GLIPR1L1: variants seen among roughly 807,000 people sequenced by gnomAD.
GLIPR1L1 encodes the protein GLIPR1-like protein 1.
In GLIPR1L1, 26 loss-of-function variants were observed where a neutral mutation model predicts 29.9. That is an observed-to-expected ratio of 0.87 (90% CI 0.64 to 1.21). The LOEUF (loss-of-function observed/expected upper bound fraction) is 1.21. Among genes scored for constraint, GLIPR1L1 ranks in the 50% most tolerant of loss-of-function variants. GLIPR1L1 has a pLI of 0.00. For missense variants in GLIPR1L1, 305 were observed against 290.3 expected, an observed-to-expected ratio of 1.05 and a Z score of -0.37; for synonymous variants, 77 against 97.5, an observed-to-expected ratio of 0.79 and a Z score of 1.24.
chr12:75,369,807 C>T (rs973087195), intron 4 of GLIPR1L1, 153 bp from the exon 5 acceptor site: 15 of 980,862 alleles, frequency 1.5e-5, no homozygotes, highest in Admixed American at 1.2e-4. Context: ...GTTTTAAGTA[C>T]TGTAGGATTG....
intron 3 of GLIPR1L1, among the ~76,000 whole-genome samples, chr12:75,357,138 T>A (rs1470231142): frequency 6.6e-6 from 1 of 152,200 alleles, no homozygotes; most frequent in African/African-American, 2.4e-5. Context: ...TGCAGTGAAC[T>A]ATAATTTCAC....
intron 3 of GLIPR1L1, among the ~76,000 whole-genome samples, chr12:75,351,243 C>G (rs1157911687): frequency 6.6e-6 from 1 of 152,180 alleles, no homozygotes; most frequent in Admixed American, 6.5e-5. Flanking sequence ...GGAGAAAGAA[C>G]TGAGTTGGAA....
chr12:75,368,894 G>A (rs1214958648), intron 4 of GLIPR1L1, among the ~76,000 whole-genome samples: 2 of 151,812 alleles, frequency 1.3e-5, no homozygotes, highest in Non-Finnish European at 2.9e-5. Context: ...GTTTGTGGAA[G>A]ACTTTAGCAA....
chr12:75,349,073 A>G (rs2042639054), intron 3 of GLIPR1L1, among the ~76,000 whole-genome samples: 3 of 152,180 alleles, frequency 2.0e-5, no homozygotes, highest in Non-Finnish European at 4.4e-5. Context: ...AGAACTACAC[A>G]CAGAGAGAAC....
intron 3 of GLIPR1L1, among the ~76,000 whole-genome samples, chr12:75,361,750 A>G (rs899857175): frequency 6.6e-6 from 1 of 152,168 alleles, no homozygotes; most frequent in African/African-American, 2.4e-5. Flanking sequence ...CTCACTCACT[A>G]TCATAAGAAC....
Position 75,346,074 on chromosome 12 carries a change from C to T in GLIPR1L1, c.421-1548C>T, listed in dbSNP as rs1001955135. 2.0e-5 allele frequency among the ~76,000 whole-genome samples: 3 copies of T among 152,150 alleles called. No individual in the cohort carries two copies. The East Asian group carries it at 5.8e-4, about 29-fold the overall frequency. On this transcript the variant is annotated intron_variant, in intron 2 of 5. Coordinates refer to ENST00000378695, the MANE Select transcript of GLIPR1L1 (RefSeq NM_001304964.2). ...ACATCCAATGTTCATATTAATATTACATCTAGTTTCTTTAATGAAAGCAAT... is the reference window on the plus strand; with the variant it reads ...ACATCCAATGTTCATATTAATATTATATCTAGTTTCTTTAATGAAAGCAAT...
At chr12:75,340,706 G>T (rs1344190955) in intron 1 of GLIPR1L1, among the ~76,000 whole-genome samples, 1 of 148,058 alleles carries the variant, frequency 6.8e-6, no homozygotes. Context: ...CTCCTATCTA[G>T]AGAAAGAAGT....
At chr12:75,351,825 G>A (rs2042835228) in intron 3 of GLIPR1L1, among the ~76,000 whole-genome samples, 1 of 152,124 alleles carries the variant, frequency 6.6e-6, no homozygotes, top group African/African-American at 2.4e-5. Flanking sequence ...GGGATTACAG[G>A]CATGAGCCAT....
intron 2 of GLIPR1L1, among the ~76,000 whole-genome samples, chr12:75,344,319 T>C (rs1565962682): frequency 6.6e-6 from 1 of 152,118 alleles, no homozygotes; most frequent in Non-Finnish European, 1.5e-5. Context: ...GTCTTTTTTC[T>C]TGGTTTTCTT....
intron 3 of GLIPR1L1, among the ~76,000 whole-genome samples, chr12:75,356,552 G>A (rs556513628): frequency 5.3e-5 from 8 of 151,920 alleles, no homozygotes; most frequent in South Asian, 4.2e-4. Flanking sequence ...AAGAGTAATC[G>A]CAAATAAGCC....
chr12:75,346,656 G>A (rs535712769), intron 2 of GLIPR1L1, among the ~76,000 whole-genome samples: 10 of 152,120 alleles, frequency 6.6e-5, no homozygotes, highest in African/African-American at 2.2e-4. Context: ...CCCAAATCTC[G>A]TTTTTAAGTT....
chr12:75,335,943 G>C (rs2041706667), intron 1 of GLIPR1L1, among the ~76,000 whole-genome samples: 1 of 151,740 alleles, frequency 6.6e-6, no homozygotes, highest in South Asian at 2.1e-4. Flanking sequence ...AGTAAATGTG[G>C]GGTTAAATAT....
chr12:75,370,131 C>T lies in GLIPR1L1; in HGVS notation c.684C>T (p.Ala228=). ...KPTGRAPQQT[A]FNPFSLGFLL... is the part of the protein sequence containing the mutation. Reference sequence around the variant, plus strand: ...CGGGGAGAGCACCTCAGCAGACAGCCTTTAATCCATTCAGCTTAGGTTTTC... The same window carrying T: ...CGGGGAGAGCACCTCAGCAGACAGCTTTTAATCCATTCAGCTTAGGTTTTC... The change falls in exon 6 of 6, where the codon GCC becomes GCT. Residue 228 remains alanine, a synonymous_variant. Coordinates refer to ENST00000378695, the MANE Select transcript of GLIPR1L1 (RefSeq NM_001304964.2). The T allele has an allele frequency of 1.2e-6, 2 of 1,606,680 alleles. No individual in the cohort carries two copies. Among genetic ancestry groups the T allele is most frequent in the Non-Finnish European group, 1.7e-6 (2 of 1,175,004 alleles).
chr12:75,344,226 C>T lies in GLIPR1L1; in HGVS notation c.420+288C>T, dbSNP rs554253108. On this transcript the variant is annotated intron_variant, in intron 2 of 5. Transcript: ENST00000378695. ...CTTCTTTCTCTCACTCTCTCTCTTC[C>T]CTTCCCTGGAAGTGGGAAGTTCTCT... Among the ~76,000 whole-genome samples the T allele has an allele frequency of 7.2e-5, 11 of 152,142 alleles. No homozygotes were observed. In the South Asian group the frequency reaches 2.3e-3, roughly 32 times the overall value.
intron 4 of GLIPR1L1, among the ~76,000 whole-genome samples, chr12:75,367,659 T>C (rs1235865004): frequency 6.6e-6 from 1 of 152,162 alleles, no homozygotes; most frequent in Non-Finnish European, 1.5e-5. Context: ...ATTAGTCTAT[T>C]AACACTTTTA....
chr12:75,353,270 G>A (rs2042931930), intron 3 of GLIPR1L1, among the ~76,000 whole-genome samples: 1 of 151,996 alleles, frequency 6.6e-6, no homozygotes, highest in Admixed American at 6.6e-5. Context: ...TAATAAAGAA[G>A]AGAGAAGAAT....
rs942974490 is a variant in GLIPR1L1, at chr12:75,335,033, T to A, written c.174+131T>A. Reference sequence around the variant, plus strand: ...ATATATGCAGTTAAAAAGAAAAAAATTCACACCTTGGTTGGGCTGTCTCCT... The same window carrying A: ...ATATATGCAGTTAAAAAGAAAAAAAATCACACCTTGGTTGGGCTGTCTCCT... On this transcript the variant is annotated intron_variant, in intron 1 of 5. Transcript: ENST00000378695. 17 of 819,512 alleles carry A rather than the reference T, an allele frequency of 2.1e-5. No individual in the cohort carries two copies. In the East Asian group the frequency reaches 2.4e-4, roughly 12 times the overall value. 50.8% of individuals were successfully genotyped at this position (819,512 alleles called of 1,614,324 possible).
intron 1 of GLIPR1L1, among the ~76,000 whole-genome samples, chr12:75,340,689 G>A (rs1201417424): frequency 1.4e-5 from 2 of 146,946 alleles, no homozygotes; most frequent in African/African-American, 5.0e-5. Flanking sequence ...ATATATTTAA[G>A]AAAGAACTCC....
intron 3 of GLIPR1L1, among the ~76,000 whole-genome samples, chr12:75,351,153 A>G (rs1435829759): frequency 6.6e-6 from 1 of 152,208 alleles, no homozygotes; most frequent in East Asian, 1.9e-4. Flanking sequence ...TAGAGAAAAA[A>G]GGAACAAACA....
Sources: allele counts gnomAD v4.1 joint callset (sites outside exome capture counted in the v4.1 genomes callset), GRCh38; gene constraint gnomAD v4.1.1; transcripts MANE v1.5; gene names NCBI Gene and HGNC (gene_info 2026-07-23, HGNC 2026-07-21).